Variants in THSD7A observed in about 807,000 individuals in gnomAD.
THSD7A encodes the protein thrombospondin type 1 domain containing 7A, also known as thrombospondin type-1 domain-containing protein 7A.
Under a neutral mutation model 231.3 loss-of-function variants are expected in THSD7A, and 96 were observed. The ratio of observed to expected loss-of-function variants is 0.41; its 90% CI spans 0.35 to 0.49. The LOEUF is 0.49. Ranked by LOEUF, THSD7A falls within the 20% of genes least tolerant of loss-of-function variation. The pLI is 0.05. For synonymous variants in THSD7A, 940 were observed against 743.3 expected, an observed-to-expected ratio of 1.26 and a Z score of -4.30; for missense variants, 2,290 against 2,070.2, an observed-to-expected ratio of 1.11 and a Z score of -2.06.
At chr7:11,756,461 CTCTGAGAAGTGTCTAATACACTTTTT>C (rs1303211892) in intron 1 of THSD7A, among the ~76,000 whole-genome samples, 1 of 151,986 alleles carries the variant, frequency 6.6e-6, no homozygotes, top group African/African-American at 2.4e-5. Context: ...GAGAGAAATT[CTCTGAGAAGTGTCTAATACACTTTTT>C]TCTGAGAAGT....
chr7:11,445,343 A>C (rs1784932522), intron 13 of THSD7A, among the ~76,000 whole-genome samples: 1 of 152,124 alleles, frequency 6.6e-6, no homozygotes. Context: ...AAAATTGCTT[A>C]ATACTGCCTA....
intron 6 of THSD7A, among the ~76,000 whole-genome samples, chr7:11,511,021 T>C (rs1787785880): frequency 6.6e-6 from 1 of 152,188 alleles, no homozygotes; most frequent in African/African-American, 2.4e-5. Context: ...CATGATTGTA[T>C]ATTTAGAAAA....
chr7:11,572,834 T>G (rs1790704835), intron 4 of THSD7A, among the ~76,000 whole-genome samples: 1 of 152,188 alleles, frequency 6.6e-6, no homozygotes, highest in South Asian at 2.1e-4. Flanking sequence ...ACGTTTCTTC[T>G]GACTGCCTTT....
At chr7:11,812,675 G>C (rs1195463453) in intron 1 of THSD7A, among the ~76,000 whole-genome samples, 1 of 152,142 alleles carries the variant, frequency 6.6e-6, no homozygotes, top group African/African-American at 2.4e-5. Context: ...ACCATATAAT[G>C]CTAATTTAAG....
chr7:11,669,256 T>G (rs184581680), intron 1 of THSD7A, among the ~76,000 whole-genome samples: 243 of 152,226 alleles, frequency 1.6e-3, no homozygotes, highest in African/African-American at 3.8e-3. Flanking sequence ...CTCTAGCCAC[T>G]CCCAACAGGA....
chr7:11,683,610 C>A (rs1270074891), intron 1 of THSD7A, among the ~76,000 whole-genome samples: 2 of 151,918 alleles, frequency 1.3e-5, no homozygotes, highest in Non-Finnish European at 2.9e-5. Flanking sequence ...TGCATACAAG[C>A]TAGAAAATCT....
chr7:11,827,949 T>C (rs1785078878), intron 1 of THSD7A, among the ~76,000 whole-genome samples: 1 of 152,190 alleles, frequency 6.6e-6, no homozygotes, highest in Admixed American at 6.5e-5. Flanking sequence ...CACTGTGTCT[T>C]CTGCACCCTA....
Position 11,462,134 on chromosome 7 carries a change from C to A in THSD7A, c.2378G>T (p.Ser793Ile), listed in dbSNP as rs1013908619. 1.9e-6 allele frequency: 3 copies of A among 1,613,700 alleles called. No homozygotes were observed. In the East Asian group the frequency reaches 6.7e-5, roughly 36 times the overall value. ...CCGATGCCTAGACTGCTTCCTGATA[C>A]TGGAGTCCCCTGCAATGAAGCAGTT... ...CPSSCKEGDS[S>I]IRKQSRHRVI... is the part of the protein sequence containing the mutation. The change falls in exon 10 of 28, where the codon AGT becomes ATT. Residue 793 changes from serine to isoleucine, a missense_variant. Physicochemically the swap from Ser to Ile is moderately radical, Grantham distance 142. Transcript: ENST00000423059.
intron 1 of THSD7A, among the ~76,000 whole-genome samples, chr7:11,731,668 G>A (rs1002463960): frequency 6.6e-6 from 1 of 151,524 alleles, no homozygotes; most frequent in East Asian, 1.9e-4. Flanking sequence ...CAAGCAATAA[G>A]CCAGGCAGCA....
chr7:11,522,886 T>C (rs1201720614), intron 6 of THSD7A, among the ~76,000 whole-genome samples: 1 of 152,166 alleles, frequency 6.6e-6, no homozygotes, highest in African/African-American at 2.4e-5. Flanking sequence ...TTTTCTTTCG[T>C]TATACTTTTG....
At chr7:11,791,608 A>C (rs1488714808) in intron 1 of THSD7A, among the ~76,000 whole-genome samples, 1 of 151,906 alleles carries the variant, frequency 6.6e-6, no homozygotes, top group East Asian at 1.9e-4. Context: ...AATTATAACA[A>C]CCTTGGTATT....
intron 16 of THSD7A, among the ~76,000 whole-genome samples, chr7:11,419,334 G>A (rs1331477917): frequency 1.3e-5 from 2 of 152,160 alleles, no homozygotes; most frequent in Admixed American, 6.5e-5. Flanking sequence ...GTTCATGATA[G>A]TGAGTTCTCA....
chr7:11,693,208 T>A, intron 1 of THSD7A, among the ~76,000 whole-genome samples: 1 of 151,580 alleles, frequency 6.6e-6, no homozygotes, highest in East Asian at 1.9e-4. Context: ...TATATTTAAA[T>A]TTACCATGTA....
intron 1 of THSD7A, among the ~76,000 whole-genome samples, chr7:11,645,625 C>T (rs1202557890): frequency 2.0e-5 from 3 of 151,658 alleles, no homozygotes; most frequent in Non-Finnish European, 4.4e-5. Flanking sequence ...TTAAAGGTAC[C>T]TTTCAAACAG....
At chr7:11,668,477 AAGACAGAAAGAAAG>A (rs1783239280) in intron 1 of THSD7A, among the ~76,000 whole-genome samples, 1 of 41,198 alleles carries the variant, frequency 2.4e-5, no homozygotes, top group African/African-American at 1.2e-4. Context: ...GAAAAAAAGA[AAGACAGAAAGAAAG>A]AGAGAGAGAG....
At chr7:11,495,276 CAT>C (rs1787052732) in intron 6 of THSD7A, among the ~76,000 whole-genome samples, 1 of 151,898 alleles carries the variant, frequency 6.6e-6, no homozygotes, top group Non-Finnish European at 1.5e-5. Context: ...TGTTTTATAT[CAT>C]ATTTTTATAA....
chr7:11,674,861 G>A (rs1217056208), intron 1 of THSD7A, among the ~76,000 whole-genome samples: 1 of 151,992 alleles, frequency 6.6e-6, no homozygotes, highest in Non-Finnish European at 1.5e-5. Flanking sequence ...TATGAATAAC[G>A]AGGAAACTCA....
intron 20 of THSD7A, 56 bp from the exon 21 acceptor site, chr7:11,407,111 A>G (rs1783611417): frequency 2.5e-6 from 4 of 1,593,118 alleles, no homozygotes; most frequent in East Asian, 2.2e-5. Flanking sequence ...TTGCAAGCAT[A>G]TATCTCATTG....
At chr7:11,464,921 C>T (rs1785639989) in intron 9 of THSD7A, among the ~76,000 whole-genome samples, 1 of 152,142 alleles carries the variant, frequency 6.6e-6, no homozygotes, top group South Asian at 2.1e-4. Flanking sequence ...CCAGGTTATA[C>T]AGTCCTCAGA....
Sources: allele counts gnomAD v4.1 joint callset (sites outside exome capture counted in the v4.1 genomes callset), GRCh38; gene constraint gnomAD v4.1.1; transcripts MANE v1.5; gene names NCBI Gene and HGNC (gene_info 2026-07-23, HGNC 2026-07-21).